DNAJC24: variants seen among roughly 807,000 people sequenced by gnomAD.
DNAJC24 encodes the protein dnaJ homolog subfamily C member 24.
Under a neutral mutation model 18.0 loss-of-function variants are expected in DNAJC24, and 17 were observed. The ratio of observed to expected loss-of-function variants is 0.94; its 90% CI spans 0.65 to 1.42. DNAJC24 has a LOEUF of 1.42. Ranked by LOEUF, DNAJC24 falls within the 40% of genes most tolerant of loss-of-function variation. DNAJC24 has a pLI of 0.00. For missense variants in DNAJC24, 158 were observed against 175.6 expected (o/e 0.90, Z 0.57); for synonymous variants, 55 against 57.7 (o/e 0.95, Z 0.21).
chr11:31,385,162 A>G (rs949120437), intron 2 of DNAJC24: 3 of 152,194 alleles, frequency 2.0e-5, no homozygotes, highest in Non-Finnish European at 2.9e-5. Context: ...TTAGAAAGTA[A>G]ATATTAAAAG....
At chr11:31,424,586 CA>C (rs942805755) in intron 3 of DNAJC24, among the ~76,000 whole-genome samples, 1 of 152,104 alleles carries the variant, frequency 6.6e-6, no homozygotes, top group Non-Finnish European at 1.5e-5. Context: ...ACTTAGCATA[CA>C]GATAGATTCT....
At position 31,414,967 on chromosome 11, in the gene DNAJC24, G is replaced by A; in HGVS notation, c.250+18G>A. On this transcript the variant is annotated intron_variant, in intron 3 of 4. Coordinates refer to ENST00000465995, the MANE Select transcript of DNAJC24 (RefSeq NM_181706.5). ...GCGGTGTGGTAGGTGCTTGTGTTGA[G>A]GAGCCACAGCACATCGGCAACTCTT... 1 of 1,610,376 alleles carries A rather than the reference G, an allele frequency of 6.2e-7. No individual in the cohort carries two copies. The highest frequency in any genetic ancestry group is 8.5e-7 in the Non-Finnish European group (1 of 1,178,736).
intron 2 of DNAJC24, among the ~76,000 whole-genome samples, chr11:31,400,209 G>T (rs1952586984): frequency 6.6e-6 from 1 of 152,142 alleles, no homozygotes; most frequent in African/African-American, 2.4e-5. Context: ...TAAATGTGCT[G>T]CATAAACATA....
intron 2 of DNAJC24, among the ~76,000 whole-genome samples, chr11:31,381,799 A>G (rs1205905834): frequency 6.6e-6 from 1 of 151,820 alleles, no homozygotes; most frequent in Non-Finnish European, 1.5e-5. Flanking sequence ...CTGGTCTCGA[A>G]CTCCTGACCT....
intron 2 of DNAJC24, among the ~76,000 whole-genome samples, chr11:31,409,808 T>C (rs1372792717): frequency 1.3e-5 from 2 of 152,158 alleles, no homozygotes; most frequent in Non-Finnish European, 2.9e-5. Context: ...CCAAATTGTT[T>C]CCTGTCAGCA....
chr11:31,393,181 T>C (rs1952515160), intron 2 of DNAJC24, among the ~76,000 whole-genome samples: 1 of 152,208 alleles, frequency 6.6e-6, no homozygotes, highest in Admixed American at 6.5e-5. Context: ...ACCTTGCTTC[T>C]CTTTCTACCC....
At chr11:31,406,448 C>T (rs946988042) in intron 2 of DNAJC24, among the ~76,000 whole-genome samples, 6 of 152,080 alleles carry the variant, frequency 3.9e-5, no homozygotes, top group South Asian at 2.1e-4. Flanking sequence ...GATACTTGTG[C>T]GAAGAGGCAC....
At chr11:31,395,527 C>T (rs1952536253) in intron 2 of DNAJC24, among the ~76,000 whole-genome samples, 2 of 152,050 alleles carry the variant, frequency 1.3e-5, no homozygotes, top group South Asian at 4.2e-4. Context: ...GTATAAGCAT[C>T]CATTATTTTT....
chr11:31,410,099 T>A (rs941595939), intron 2 of DNAJC24, among the ~76,000 whole-genome samples: 1 of 152,066 alleles, frequency 6.6e-6, no homozygotes, highest in African/African-American at 2.4e-5. Context: ...GTCAGGCTAG[T>A]CTCAAACTCC....
intron 3 of DNAJC24, among the ~76,000 whole-genome samples, chr11:31,424,146 T>C (rs970190799): frequency 4.6e-5 from 7 of 152,090 alleles, no homozygotes; most frequent in Non-Finnish European, 8.8e-5. Context: ...TATGAATGGG[T>C]TGTCTTTTTG....
intron 2 of DNAJC24, among the ~76,000 whole-genome samples, chr11:31,411,485 A>C (rs2133495034): frequency 6.6e-6 from 1 of 152,294 alleles, no homozygotes; most frequent in Admixed American, 6.5e-5. Flanking sequence ...GCTGAGTTCA[A>C]AGTGTTGGCA....
At chr11:31,413,632 A>G (rs1216829518) in intron 2 of DNAJC24, among the ~76,000 whole-genome samples, 1 of 152,112 alleles carries the variant, frequency 6.6e-6, no homozygotes, top group Admixed American at 6.6e-5. Flanking sequence ...GCACCCGGCC[A>G]TAAATACTAT....
intron 3 of DNAJC24, among the ~76,000 whole-genome samples, chr11:31,418,928 G>A (rs12285510): frequency 0.088 from 13,319 of 151,876 alleles, 1,605 homozygotes; most frequent in African/African-American, 0.27. Context: ...AAACAAATGA[G>A]GAACATACCT....
chr11:31,399,308 T>C (rs1012336783), intron 2 of DNAJC24, among the ~76,000 whole-genome samples: 4 of 152,168 alleles, frequency 2.6e-5, no homozygotes, highest in African/African-American at 9.7e-5. Flanking sequence ...TTAAAAAAGG[T>C]TTTGCCATAA....
chr11:31,430,406 G>A lies in DNAJC24; in HGVS notation c.*5G>A, dbSNP rs1447662096. The A allele has an allele frequency of 1.9e-6, 3 of 1,601,804 alleles. No individual in the cohort carries two copies. The highest frequency in any genetic ancestry group is 2.6e-6 in the Non-Finnish European group (3 of 1,172,804). On this transcript the variant is annotated 3_prime_UTR_variant, in exon 5 of 5. Transcript: ENST00000465995. ...GAACTCCTTCATTATAACTAAAATT[G>A]TTCACAACTTGAAATGCTTTAACTG...
At chr11:31,423,864 T>G (rs1300320949) in intron 3 of DNAJC24, among the ~76,000 whole-genome samples, 1 of 152,176 alleles carries the variant, frequency 6.6e-6, no homozygotes, top group African/African-American at 2.4e-5. Flanking sequence ...GTGTATTCTC[T>G]TTTCATATTT....
At chr11:31,385,977 C>T (rs987650984) in intron 2 of DNAJC24, among the ~76,000 whole-genome samples, 3 of 152,136 alleles carry the variant, frequency 2.0e-5, no homozygotes, top group Admixed American at 2.0e-4. Context: ...ATGTTGCATC[C>T]ACAGTGCTGC....
chr11:31,371,332 A>G lies in DNAJC24; in HGVS notation c.111+473A>G, dbSNP rs917271873. ...TAAAAGGAATTAAAATAATTTAACA[A>G]TTTTTATGTTGATTATGTTGATTAA... On this transcript the variant is annotated intron_variant, in intron 2 of 4. Coordinates refer to ENST00000465995, the MANE Select transcript of DNAJC24 (RefSeq NM_181706.5). Among the ~76,000 whole-genome samples the G allele has an allele frequency of 2.6e-5, 4 of 152,170 alleles. No individual in the cohort carries two copies. The East Asian group carries it at 5.8e-4, about 22-fold the overall frequency.
chr11:31,386,631 C>T (rs1274588883), intron 2 of DNAJC24, among the ~76,000 whole-genome samples: 5 of 151,448 alleles, frequency 3.3e-5, no homozygotes, highest in Non-Finnish European at 4.4e-5. Context: ...TTGGGTAAGA[C>T]GCAGGGCTGT....
Sources: gnomAD v4.1 joint callset for allele counts (sites outside exome capture counted in the v4.1 genomes callset) on GRCh38, gnomAD v4.1.1 for gene constraint, MANE v1.5 for transcripts, NCBI Gene and HGNC (gene_info 2026-07-23, HGNC 2026-07-21) for gene names.